EYA3: variants seen among roughly 807,000 people sequenced by gnomAD.
EYA3 encodes EYA transcriptional coactivator and phosphatase 3.
Under a neutral mutation model 80.0 loss-of-function variants are expected in EYA3, and 39 were observed. The observed-to-expected ratio is 0.49, with a 90% CI of 0.38 to 0.64. EYA3 has a LOEUF of 0.64. Ranked by LOEUF, EYA3 falls within the 30% of genes least tolerant of loss-of-function variation. The pLI, the probability that EYA3 is intolerant of heterozygous loss-of-function variation, is 0.00. For missense variants in EYA3, 523 were observed against 676.1 expected, an observed-to-expected ratio of 0.77 and a Z score of 2.51; for synonymous variants, 206 against 232.8, an observed-to-expected ratio of 0.88 and a Z score of 1.05.
At chr1:28,023,181 T>C (rs544960563) in intron 7 of EYA3, among the ~76,000 whole-genome samples, 1 of 151,342 alleles carries the variant, frequency 6.6e-6, no homozygotes, top group East Asian at 1.9e-4. Context: ...TGGAACAAAA[T>C]AAATAAAGTA....
chr1:28,035,721 C>A, intron 5 of EYA3, 41 bp from the exon 6 acceptor site: 1 of 1,601,886 alleles, frequency 6.2e-7, no homozygotes, highest in Non-Finnish European at 8.5e-7. Context: ...GTGTGATTTA[C>A]TTTAGTAACG....
chr1:28,042,548 C>G, intron 4 of EYA3, 23 bp downstream of exon 4: 1 of 1,588,352 alleles, frequency 6.3e-7, no homozygotes, highest in Non-Finnish European at 8.6e-7. Context: ...TCTGTTCAAT[C>G]ATGCACAGAA....
chr1:28,084,761 G>A (rs1050062734), intron 1 of EYA3, among the ~76,000 whole-genome samples: 1 of 150,186 alleles, frequency 6.7e-6, no homozygotes, highest in Non-Finnish European at 1.5e-5. Flanking sequence ...GGCATACGCC[G>A]CCACGCCCAG....
chr1:28,035,572 T>C lies in EYA3; in HGVS notation c.333A>G (p.Ala111=). Residue 111 remains alanine, a synonymous_variant, in exon 6 of 18, where the codon GCA becomes GCG. Coordinates refer to ENST00000373871, the MANE Select transcript of EYA3 (RefSeq NM_001990.4). The part of the protein sequence containing the change: ...QTQPYAVYPQ[A]TQTYGLPPFG... ...AAGGAGGTAGTCCATACGTTTGGGT[T>C]GCCTGAGGGTAGACAGCATAGGGTT... is the stretch of plus-strand genomic sequence containing the variant. 1 of 1,614,106 alleles carries C rather than the reference T, an allele frequency of 6.2e-7. No individual in the cohort carries two copies. The highest frequency in any genetic ancestry group is 8.5e-7 in the Non-Finnish European group (1 of 1,179,988).
chr1:28,020,415 T>C (rs1642352028), intron 7 of EYA3, among the ~76,000 whole-genome samples: 1 of 152,144 alleles, frequency 6.6e-6, no homozygotes. Context: ...ATTAAGTATA[T>C]CAGGGTCAAC....
intron 12 of EYA3, 36 bp downstream of exon 12, chr1:27,999,924 T>C (rs774371841): frequency 7.2e-7 from 1 of 1,394,442 alleles, no homozygotes; most frequent in South Asian, 1.2e-5. Flanking sequence ...GAATGAAGTG[T>C]CTCAGTGAAG....
intron 1 of EYA3, among the ~76,000 whole-genome samples, chr1:28,071,738 T>G (rs2148930844): frequency 6.6e-6 from 1 of 152,304 alleles, no homozygotes; most frequent in East Asian, 1.9e-4. Context: ...TAAAGACATA[T>G]TCTGAAAGAA....
chr1:28,003,273 CA>C (rs1298338015), intron 11 of EYA3, among the ~76,000 whole-genome samples: 5 of 19,876 alleles, frequency 2.5e-4, no homozygotes, highest in South Asian at 2.1e-3. Flanking sequence ...CCGTCTCAAA[CA>C]ACAACAACAA....
At chr1:28,053,590 C>A (rs1039255084) in intron 2 of EYA3, among the ~76,000 whole-genome samples, 9 of 152,122 alleles carry the variant, frequency 5.9e-5, no homozygotes, top group African/African-American at 1.7e-4. Context: ...ATACAACTAC[C>A]TACTTCATAG....
chr1:28,010,885 T>A, intron 10 of EYA3, 62 bp downstream of exon 10: 1 of 1,556,034 alleles, frequency 6.4e-7, no homozygotes, highest in Non-Finnish European at 8.7e-7. Context: ...CAAAAACATG[T>A]TTGATAAACT....
chr1:27,974,657 T>C (rs1000977187), intron 17 of EYA3, 111 bp from the exon 18 acceptor site: 1 of 782,600 alleles, frequency 1.3e-6, no homozygotes, highest in African/African-American at 1.7e-5. Flanking sequence ...ATGGTAACCC[T>C]ATCTATCCCT....
intron 16 of EYA3, among the ~76,000 whole-genome samples, chr1:27,979,188 GT>G (rs1294413281): frequency 6.6e-6 from 1 of 152,122 alleles, no homozygotes; most frequent in East Asian, 1.9e-4. Flanking sequence ...GGGGTGAAAT[GT>G]TTTAGGGTAG....
intron 1 of EYA3, among the ~76,000 whole-genome samples, chr1:28,069,911 G>A (rs1003980970): frequency 3.3e-5 from 5 of 152,176 alleles, no homozygotes; most frequent in Non-Finnish European, 5.9e-5. Context: ...AGACGGCAAT[G>A]TGAAAATGGA....
At chr1:27,982,103 C>T (rs1332252835) in intron 16 of EYA3, among the ~76,000 whole-genome samples, 2 of 151,054 alleles carry the variant, frequency 1.3e-5, no homozygotes, top group Admixed American at 6.6e-5. Flanking sequence ...GCCTCCCAGG[C>T]GCAAGCAATT....
At chr1:28,064,935 G>A (rs1020818817) in intron 1 of EYA3, among the ~76,000 whole-genome samples, 3 of 152,206 alleles carry the variant, frequency 2.0e-5, no homozygotes, top group Non-Finnish European at 4.4e-5. Context: ...TAATGTTGCA[G>A]GTTGAAGTGA....
chr1:28,067,293 TTAAC>T (rs1557639375), intron 1 of EYA3, among the ~76,000 whole-genome samples: 2 of 152,204 alleles, frequency 1.3e-5, no homozygotes, highest in Non-Finnish European at 2.9e-5. Flanking sequence ...AACAATAAGT[TTAAC>T]TACACTGTAA....
chr1:28,075,447 T>A (rs1257897131), intron 1 of EYA3, among the ~76,000 whole-genome samples: 2 of 152,178 alleles, frequency 1.3e-5, no homozygotes, highest in East Asian at 3.9e-4. Context: ...TCAGGTCAAA[T>A]ACAGATGGTC....
chr1:28,080,819 C>T (rs755945993), intron 1 of EYA3, among the ~76,000 whole-genome samples: 1 of 152,074 alleles, frequency 6.6e-6, no homozygotes, highest in African/African-American at 2.4e-5. Flanking sequence ...AGCGTGGTCT[C>T]GGCTCACTGC....
At chr1:28,065,581 C>G (rs529451199) in intron 1 of EYA3, among the ~76,000 whole-genome samples, 9 of 151,968 alleles carry the variant, frequency 5.9e-5, no homozygotes, top group African/African-American at 2.2e-4. Context: ...TCTTAACAAT[C>G]TCAGCATATG....
Sources: allele counts gnomAD v4.1 joint callset (sites outside exome capture counted in the v4.1 genomes callset), GRCh38; gene constraint gnomAD v4.1.1; transcripts MANE v1.5; gene names NCBI Gene and HGNC (gene_info 2026-07-23, HGNC 2026-07-21).